ASL: variants seen among roughly 807,000 people sequenced by gnomAD.
The protein encoded by ASL is argininosuccinate lyase.
In ASL, 51 loss-of-function variants were observed where a neutral mutation model predicts 69.1. That is an observed-to-expected ratio of 0.74 (90% CI 0.59 to 0.93). ASL has a LOEUF of 0.93. Among genes scored for constraint, ASL ranks in the 40% least tolerant of loss-of-function variants. The pLI is 0.00. For missense variants in ASL, 540 were observed against 623.9 expected (o/e 0.87, Z 1.43); for synonymous variants, 241 against 247.6 (o/e 0.97, Z 0.25).
chr7:66,092,665 T>C lies in ASL; in HGVS notation c.1250+2T>C. ...ACTGCAGGAGCTGCAGACCATCAGG[T>C]ACGGCCCATCCCCTTCCCCATGCTG... On this transcript the variant is annotated splice_donor_variant, in intron 16 of 16. Transcript: ENST00000304874. LOFTEE classifies it high-confidence loss of function. 6.2e-7 allele frequency: 1 copy of C among 1,613,662 alleles called. No homozygotes were observed. Among genetic ancestry groups the C allele is most frequent in the Non-Finnish European group, 8.5e-7 (1 of 1,179,962 alleles).
chr7:66,091,794 T>G (rs958014533), intron 14 of ASL: 1 of 601,412 alleles, frequency 1.7e-6, no homozygotes, highest in African/African-American at 1.9e-5. Context: ...TAAAGGCCAG[T>G]AAAACATACA....
rs367606572 is a variant in ASL at position 66,088,614 on chromosome 7, TG to T, written c.719-190del. ...GCTTACGTTTGTAATCCTAGCACTTTGGGAGGCCAAAGCAGAAGGATTGCTT... is the reference window on the plus strand; with the variant it reads ...GCTTACGTTTGTAATCCTAGCACTTTGGAGGCCAAAGCAGAAGGATTGCTT... On this transcript the variant is annotated intron_variant, in intron 10 of 16. Coordinates refer to ENST00000304874, the MANE Select transcript of ASL (RefSeq NM_000048.4). Among the ~76,000 whole-genome samples the T allele has an allele frequency of 2.0e-4, 30 of 152,312 alleles. 1 individual carries two copies. The East Asian group carries it at 3.1e-3, about 16-fold the overall frequency.
intron 6 of ASL, chr7:66,083,448 G>T (rs1786569943): frequency 2.7e-6 from 1 of 369,804 alleles, no homozygotes; most frequent in South Asian, 2.2e-5. Context: ...ACTTTGGGAG[G>T]CCGAGGTGGG....
At chr7:66,087,612 C>T in intron 9 of ASL, 117 bp from the exon 10 acceptor site, 2 of 1,086,036 alleles carry the variant, frequency 1.8e-6, no homozygotes, top group Non-Finnish European at 2.8e-6. Context: ...TGCAAAAGAT[C>T]CCTCCCCCCA....
intron 13 of ASL, 107 bp from the exon 14 acceptor site, chr7:66,089,505 T>A (rs1053004565): frequency 6.2e-6 from 9 of 1,443,620 alleles, no homozygotes; most frequent in Non-Finnish European, 8.6e-6. Flanking sequence ...TATTGAGTGT[T>A]CTTCCCATGG....
rs761765617 is a variant in ASL at position 66,082,905 on chromosome 7, A to G, written c.317A>G (p.Lys106Arg). The part of the protein sequence containing the change: ...LKELIGATAG[K>R]LHTGRSRNDQ... The stretch of plus-strand genomic sequence containing the variant: ...GAGCTCATTGGTGCAACGGCAGGGA[A>G]GCTGCACACGGGACGGAGCCGGAAT... Residue 106 changes from lysine (K) to arginine (R), a missense_variant, in exon 5 of 17, where the codon AAG becomes AGG. Transcript: ENST00000304874. The G allele has an allele frequency of 6.2e-7, 1 of 1,613,714 alleles. No homozygotes were observed. Among genetic ancestry groups the G allele is most frequent in the South Asian group, 1.1e-5 (1 of 91,074 alleles).
At position 66,093,003 on chromosome 7, in the gene ASL, T is replaced by G; in HGVS notation, c.*91T>G. The G allele has an allele frequency of 3.5e-5, 53 of 1,531,598 alleles. No individual in the cohort carries two copies. The highest frequency in any genetic ancestry group is 4.5e-5 in the Non-Finnish European group (51 of 1,144,328). 94.9% of individuals were successfully genotyped at this position (1,531,598 alleles called of 1,614,324 possible). ...AGCCTGGCTCCCTCGTTGCTGGGCTTTCGGGGCTGGCCAGTGGGGACAGTC... is the reference window on the plus strand; with the variant it reads ...AGCCTGGCTCCCTCGTTGCTGGGCTGTCGGGGCTGGCCAGTGGGGACAGTC... On this transcript the variant is annotated 3_prime_UTR_variant, in exon 17 of 17. Coordinates refer to ENST00000304874, the MANE Select transcript of ASL (RefSeq NM_000048.4).
At chr7:66,091,912 G>A (rs1584035267) in intron 14 of ASL, 94 bp from the exon 15 acceptor site, 2 of 1,290,838 alleles carry the variant, frequency 1.5e-6, no homozygotes, top group East Asian at 4.6e-5. Flanking sequence ...TCTGCCCAAG[G>A]CAGGGATGTC....
At chr7:66,090,685 A>G (rs1183398552) in intron 14 of ASL, among the ~76,000 whole-genome samples, 2 of 152,152 alleles carry the variant, frequency 1.3e-5, no homozygotes, top group East Asian at 1.9e-4. Flanking sequence ...ACTCACGGAC[A>G]TCCTGGCTCC....
chr7:66,084,673 G>A (rs1321566326), intron 6 of ASL, among the ~76,000 whole-genome samples: 1 of 152,022 alleles, frequency 6.6e-6, no homozygotes, highest in East Asian at 1.9e-4. Flanking sequence ...AGGCTGGAGT[G>A]CAGTGGCGTG....
Position 66,081,840 on chromosome 7 carries a change from T to G in ASL, c.50T>G (p.Val17Gly). ...TGGGGTGGCCGGTTTGTGGGTGCAGTGGACCCCATCATGGAGAAGTTCAAC... is the reference window on the plus strand; with the variant it reads ...TGGGGTGGCCGGTTTGTGGGTGCAGGGGACCCCATCATGGAGAAGTTCAAC... The part of the protein sequence containing the change: ...KLWGGRFVGA[V>G]DPIMEKFNAS... Residue 17 changes from valine to glycine, a missense_variant, in exon 3 of 17, where the codon GTG (valine) becomes GGG (glycine). Coordinates refer to ENST00000304874, the MANE Select transcript of ASL (RefSeq NM_000048.4). 6.2e-7 allele frequency: 1 copy of G among 1,613,936 alleles called. No individual in the cohort carries two copies. Among genetic ancestry groups the G allele is most frequent in the Non-Finnish European group, 8.5e-7 (1 of 1,180,008 alleles).
chr7:66,084,137 A>T (rs559455523), intron 6 of ASL, among the ~76,000 whole-genome samples: 10 of 151,238 alleles, frequency 6.6e-5, no homozygotes, highest in Non-Finnish European at 1.5e-4. Context: ...GGGTTTCTTT[A>T]ATTTTTTGTT....
intron 14 of ASL, among the ~76,000 whole-genome samples, chr7:66,091,281 G>C (rs1296897720): frequency 1.3e-5 from 2 of 152,102 alleles, no homozygotes; most frequent in Non-Finnish European, 2.9e-5. Flanking sequence ...CCAGTGGCTA[G>C]GCCTGGTGGC....
chr7:66,087,179 G>T, intron 8 of ASL, 155 bp from the exon 9 acceptor site: 1 of 842,586 alleles, frequency 1.2e-6, no homozygotes, highest in South Asian at 1.4e-5. Context: ...GACTGGGCCA[G>T]GGAAGAGGCT....
intron 6 of ASL, among the ~76,000 whole-genome samples, chr7:66,084,376 G>A (rs925951481): frequency 2.6e-5 from 4 of 151,902 alleles, no homozygotes; most frequent in African/African-American, 4.8e-5. Context: ...TGACCAGGCT[G>A]GTCTTGAACT....
At chr7:66,077,270 AG>A (rs1786374265) in intron 2 of ASL, among the ~76,000 whole-genome samples, 1 of 152,124 alleles carries the variant, frequency 6.6e-6, no homozygotes, top group Non-Finnish European at 1.5e-5. Context: ...CTCTACAAAA[AG>A]ATTTTGAAAA....
chr7:66,081,671 C>T, intron 2 of ASL, 132 bp from the exon 3 acceptor site: 1 of 1,122,116 alleles, frequency 8.9e-7, no homozygotes, highest in Non-Finnish European at 1.3e-6. Context: ...TCTCAGCCTC[C>T]TTGTCTGCCC....
Position 66,093,088 on chromosome 7 carries a change from G to A in ASL, c.*176G>A. 4.8e-6 allele frequency: 5 copies of A among 1,046,274 alleles called. No individual in the cohort carries two copies. The East Asian group carries it at 1.0e-4, about 22-fold the overall frequency. The allele number at this position is 1,046,274 out of a possible 1,614,324, so 64.8% of individuals were successfully genotyped here. A position where few individuals can be genotyped will look rare whatever the true frequency, so the allele number is the denominator to read the frequency against. On this transcript the variant is annotated 3_prime_UTR_variant, in exon 17 of 17. Coordinates refer to ENST00000304874, the MANE Select transcript of ASL (RefSeq NM_000048.4). ...TCCCAGCACTTTGGAAGGGCAAGGT[G>A]CGAGGATGCTTGAGGCCAGGAGTTT...
At chr7:66,089,754 C>G in intron 14 of ASL, 59 bp downstream of exon 14, 1 of 1,577,520 alleles carries the variant, frequency 6.3e-7, no homozygotes, top group Non-Finnish European at 8.6e-7. Flanking sequence ...GGTGGGCATG[C>G]GGGGAGGGTG....
Sources: allele counts gnomAD v4.1 joint callset (sites outside exome capture counted in the v4.1 genomes callset), GRCh38; gene constraint gnomAD v4.1.1; transcripts MANE v1.5; gene names NCBI Gene and HGNC (gene_info 2026-07-23, HGNC 2026-07-21).